Variants in STAG1 observed in about 807,000 individuals in gnomAD.
STAG1 encodes STAG1 cohesin complex component.
Under a neutral mutation model 170.9 loss-of-function variants are expected in STAG1, and 26 were observed. That is an observed-to-expected ratio of 0.15 (90% CI 0.11 to 0.21). The LOEUF is 0.21. Ranked by LOEUF, STAG1 falls within the 10% of genes least tolerant of loss-of-function variation. The probability of loss-of-function intolerance (pLI) is 1.00; values close to 1 mark genes in which losing one functional copy is unlikely to be tolerated. For synonymous variants in STAG1, 514 were observed against 497.7 expected (o/e 1.03, Z -0.44); for missense variants, 964 against 1,509.5 (o/e 0.64, Z 5.99).
intron 15 of STAG1, among the ~76,000 whole-genome samples, chr3:136,438,358 G>C (rs1484381366): frequency 2.0e-5 from 3 of 151,666 alleles, no homozygotes; most frequent in African/African-American, 7.3e-5. Flanking sequence ...GAGTAGCTGG[G>C]ATGACAAGGC....
At chr3:136,460,322 C>T (rs2089236586) in intron 13 of STAG1, among the ~76,000 whole-genome samples, 1 of 152,134 alleles carries the variant, frequency 6.6e-6, no homozygotes, top group Non-Finnish European at 1.5e-5. Context: ...TAGAAAACTG[C>T]CGGGCACGGT....
intron 9 of STAG1, among the ~76,000 whole-genome samples, chr3:136,496,609 A>T (rs1055736108): frequency 6.6e-6 from 1 of 152,200 alleles, no homozygotes; most frequent in Non-Finnish European, 1.5e-5. Context: ...ACTAAATAAA[A>T]AATGCAATAT....
chr3:136,558,146 C>T (rs2107747556), intron 5 of STAG1, among the ~76,000 whole-genome samples: 1 of 152,230 alleles, frequency 6.6e-6, no homozygotes, highest in East Asian at 1.9e-4. Context: ...AATCCCAGCA[C>T]TTTGAGAGCC....
intron 6 of STAG1, among the ~76,000 whole-genome samples, chr3:136,537,505 G>GTTT (rs112443777): frequency 4.5e-5 from 6 of 131,898 alleles, no homozygotes; most frequent in Non-Finnish European, 4.9e-5. Flanking sequence ...TTTTTTTTTT[G>GTTT]TTTTTTTTTT....
chr3:136,598,097 AT>A (rs1323154146), intron 4 of STAG1, among the ~76,000 whole-genome samples: 11 of 152,092 alleles, frequency 7.2e-5, no homozygotes, highest in Non-Finnish European at 1.5e-4. Flanking sequence ...ATACTAAAAG[AT>A]TTTCTAATAT....
chr3:136,361,927 T>C (rs1166395625), intron 26 of STAG1, among the ~76,000 whole-genome samples: 1 of 151,888 alleles, frequency 6.6e-6, no homozygotes, highest in African/African-American at 2.4e-5. Context: ...TAATTATTAA[T>C]TACTTATGTT....
chr3:136,593,265 A>T (rs1938274981), intron 4 of STAG1, among the ~76,000 whole-genome samples: 1 of 152,054 alleles, frequency 6.6e-6, no homozygotes, highest in African/African-American at 2.4e-5. Flanking sequence ...CCTGCCCCTC[A>T]CCTCACCCCA....
intron 6 of STAG1, among the ~76,000 whole-genome samples, chr3:136,540,335 A>C (rs904774805): frequency 6.6e-6 from 1 of 151,860 alleles, no homozygotes; most frequent in Non-Finnish European, 1.5e-5. Flanking sequence ...AAAAAAAAAA[A>C]CTAGAATGGT....
chr3:136,611,486 T>C lies in STAG1; in HGVS notation c.133-7013A>G, dbSNP rs1285691658. Among the ~76,000 whole-genome samples, 10 of 151,668 alleles carry C rather than the reference T, an allele frequency of 6.6e-5. No individual in the cohort carries two copies. The South Asian group carries it at 8.3e-4, about 13-fold the overall frequency. ...ATAATTTTGTGCATGAAACAAAGTT[T>C]TGACCTTTTTACTTTTTCTTTTTTT... On this transcript the variant is annotated intron_variant, in intron 3 of 33. Transcript: ENST00000383202.
At chr3:136,406,579 T>A (rs1194545680) in intron 21 of STAG1, among the ~76,000 whole-genome samples, 1 of 151,990 alleles carries the variant, frequency 6.6e-6, no homozygotes, top group Non-Finnish European at 1.5e-5. Context: ...TATGGCAGAG[T>A]AAAATTCACT....
intron 4 of STAG1, among the ~76,000 whole-genome samples, chr3:136,601,433 T>C (rs537883121): frequency 1.3e-4 from 20 of 151,924 alleles, no homozygotes; most frequent in African/African-American, 4.1e-4. Context: ...TAAGAAGAAG[T>C]TGAAAGGTGG....
Position 136,524,764 on chromosome 3 carries a change from C to T in STAG1, c.472-3347G>A, listed in dbSNP as rs541797307. Among the ~76,000 whole-genome samples, 341 of 152,248 alleles carry T rather than the reference C, an allele frequency of 2.2e-3. 3 individuals are homozygous for T. The highest frequency in any genetic ancestry group is 0.012 in the Admixed American group (191 of 15,286). On this transcript the variant is annotated intron_variant, in intron 6 of 33. Coordinates refer to ENST00000383202, the MANE Select transcript of STAG1 (RefSeq NM_005862.3). ...AGATAGCTCTTATTATTTTGAGATA[C>T]GTCCCATCAATACCTAATTTATTGA...
intron 2 of STAG1, among the ~76,000 whole-genome samples, chr3:136,628,991 G>A (rs1208985205): frequency 1.3e-5 from 2 of 151,996 alleles, no homozygotes; most frequent in African/African-American, 2.4e-5. Context: ...TTAACCAAGA[G>A]TACCATCTTC....
At chr3:136,426,934 C>T (rs745718622) in intron 16 of STAG1, among the ~76,000 whole-genome samples, 10 of 151,988 alleles carry the variant, frequency 6.6e-5, no homozygotes, top group Non-Finnish European at 1.3e-4. Flanking sequence ...AGGTGTGGCG[C>T]CTGTAGTCAC....
At chr3:136,376,007 A>ATTAACAAAATAAAATAAG (rs1270067786) in intron 23 of STAG1, among the ~76,000 whole-genome samples, 2 of 138,548 alleles carry the variant, frequency 1.4e-5, no homozygotes, top group Non-Finnish European at 3.0e-5. Context: ...TAAATAAATA[A>ATTAACAAAATAAAATAAG]ATAATTAACA....
At chr3:136,618,701 T>G (rs1939705035) in intron 3 of STAG1, among the ~76,000 whole-genome samples, 1 of 152,170 alleles carries the variant, frequency 6.6e-6, no homozygotes. Context: ...AGGAAAAGAA[T>G]AGTTTTTCTT....
At chr3:136,706,648 G>A (rs371833337) in intron 1 of STAG1, among the ~76,000 whole-genome samples, 5 of 152,230 alleles carry the variant, frequency 3.3e-5, no homozygotes, top group East Asian at 1.9e-4. Context: ...CCAAAACAAC[G>A]TACAGATTCG....
chr3:136,677,439 T>C (rs1358114333), intron 1 of STAG1, among the ~76,000 whole-genome samples: 2 of 152,216 alleles, frequency 1.3e-5, no homozygotes, highest in Admixed American at 6.5e-5. Context: ...TATGACTATA[T>C]ATAAAAATCA....
At chr3:136,366,231 A>G (rs947380986) in intron 25 of STAG1, among the ~76,000 whole-genome samples, 2 of 152,118 alleles carry the variant, frequency 1.3e-5, no homozygotes, top group African/African-American at 4.8e-5. Flanking sequence ...TATGTAAATG[A>G]TGATACTATT....
Sources: gnomAD v4.1 joint callset for allele counts (sites outside exome capture counted in the v4.1 genomes callset) on GRCh38, gnomAD v4.1.1 for gene constraint, MANE v1.5 for transcripts, NCBI Gene and HGNC (gene_info 2026-07-23, HGNC 2026-07-21) for gene names.